Variants in PDGFD observed in about 807,000 individuals in gnomAD.
PDGFD encodes platelet derived growth factor D.
In PDGFD, 30 loss-of-function variants were observed where a neutral mutation model predicts 44.7. That is an observed-to-expected ratio of 0.67 (90% CI 0.50 to 0.91). The LOEUF (loss-of-function observed/expected upper bound fraction) is 0.91, where lower values mean the gene tolerates loss of function less well. Ranked by LOEUF, PDGFD falls within the 40% of genes least tolerant of loss-of-function variation. The pLI, the probability that PDGFD is intolerant of heterozygous loss-of-function variation, is 0.00. For missense variants in PDGFD, 445 were observed against 457.8 expected, an observed-to-expected ratio of 0.97 and a Z score of 0.25; for synonymous variants, 173 against 168.4, an observed-to-expected ratio of 1.03 and a Z score of -0.21.
At position 104,080,604 on chromosome 11, in the gene PDGFD, T is replaced by C. The variant is rs1421761124; in HGVS notation, c.125-80349A>G. ...TATTTTATGCATATACTCTGGCGTA[T>C]GTTGGAGGAGCCACCATCCATTGTG... On this transcript the variant is annotated intron_variant, in intron 1 of 6. Transcript: ENST00000393158. 2.6e-5 allele frequency among the ~76,000 whole-genome samples: 4 copies of C among 152,298 alleles called. No individual in the cohort carries two copies. In the East Asian group the frequency reaches 7.7e-4, roughly 29 times the overall value.
intron 1 of PDGFD, among the ~76,000 whole-genome samples, chr11:104,039,417 AT>A (rs1377252414): frequency 2.6e-5 from 4 of 152,116 alleles, no homozygotes; most frequent in Non-Finnish European, 5.9e-5. Flanking sequence ...ACAGAAAAAA[AT>A]AACTCTCCCT....
intron 5 of PDGFD, among the ~76,000 whole-genome samples, chr11:103,928,422 G>A (rs1858350744): frequency 1.3e-5 from 2 of 152,146 alleles, no homozygotes; most frequent in African/African-American, 4.8e-5. Flanking sequence ...AATGTCTTAG[G>A]CTTAAACTGA....
intron 1 of PDGFD, among the ~76,000 whole-genome samples, chr11:104,115,483 T>C (rs1406951045): frequency 6.6e-6 from 1 of 151,984 alleles, no homozygotes; most frequent in East Asian, 1.9e-4. Context: ...TTGCTAATTG[T>C]GCTGGTATAA....
chr11:103,993,234 G>T lies in PDGFD; in HGVS notation c.510+2831C>A, dbSNP rs375341583. Among the ~76,000 whole-genome samples the T allele has an allele frequency of 1.6e-3, 250 of 151,884 alleles. 3 individuals are homozygous for T. The highest frequency in any genetic ancestry group is 0.014 in the South Asian group (65 of 4,802). ...AGGCATGTGCCATCATGCCTGTTTT[G>T]TTTTGTTTTGTTTTTCACTTTTTGT... On this transcript the variant is annotated intron_variant, in intron 3 of 6. Coordinates refer to ENST00000393158, the MANE Select transcript of PDGFD (RefSeq NM_025208.5).
chr11:104,108,282 A>G (rs1285192433), intron 1 of PDGFD, among the ~76,000 whole-genome samples: 3 of 152,068 alleles, frequency 2.0e-5, no homozygotes, highest in Non-Finnish European at 4.4e-5. Context: ...ACAGAATGGG[A>G]AAACATTTTT....
intron 3 of PDGFD, among the ~76,000 whole-genome samples, chr11:103,951,369 C>CTT (rs1858754141): frequency 1.3e-5 from 2 of 152,176 alleles, no homozygotes; most frequent in Non-Finnish European, 2.9e-5. Flanking sequence ...CCTCCTAAGT[C>CTT]CACTTAGAAA....
intron 3 of PDGFD, among the ~76,000 whole-genome samples, chr11:103,995,559 T>C (rs1565305804): frequency 6.6e-6 from 1 of 152,212 alleles, no homozygotes; most frequent in Non-Finnish European, 1.5e-5. Flanking sequence ...CTTTTGATTT[T>C]GCAGATGCTT....
At chr11:103,934,438 TG>T (rs1197381095) in intron 5 of PDGFD, among the ~76,000 whole-genome samples, 1 of 152,208 alleles carries the variant, frequency 6.6e-6, no homozygotes, top group Non-Finnish European at 1.5e-5. Context: ...AATGATCAGG[TG>T]TCTTCAGTTT....
chr11:103,913,502 G>C (rs767575540), intron 6 of PDGFD, among the ~76,000 whole-genome samples: 37 of 152,212 alleles, frequency 2.4e-4, no homozygotes, highest in Non-Finnish European at 4.1e-4. Flanking sequence ...ATTTAAAGCA[G>C]TGTGTAGAGG....
intron 1 of PDGFD, among the ~76,000 whole-genome samples, chr11:104,092,958 T>C (rs1469577716): frequency 6.6e-6 from 1 of 152,134 alleles, no homozygotes; most frequent in African/African-American, 2.4e-5. Context: ...CCTGTGACAT[T>C]AAACAATAGC....
intron 5 of PDGFD, among the ~76,000 whole-genome samples, chr11:103,931,446 CT>C (rs1858397179): frequency 6.6e-6 from 1 of 152,174 alleles, no homozygotes; most frequent in Admixed American, 6.5e-5. Context: ...TATCAGTTGG[CT>C]TTCACTGTGC....
chr11:104,022,482 C>G (rs1859975819), intron 1 of PDGFD, among the ~76,000 whole-genome samples: 1 of 151,988 alleles, frequency 6.6e-6, no homozygotes, highest in Non-Finnish European at 1.5e-5. Flanking sequence ...ACATATAAAA[C>G]CTGCAGCACA....
intron 1 of PDGFD, among the ~76,000 whole-genome samples, chr11:104,072,634 C>T (rs943970880): frequency 2.0e-5 from 3 of 151,882 alleles, no homozygotes; most frequent in Non-Finnish European, 2.9e-5. Flanking sequence ...AATAGGCAGT[C>T]TTGACTTGTT....
chr11:103,910,077 T>C (rs549883935), intron 6 of PDGFD, among the ~76,000 whole-genome samples: 1 of 131,662 alleles, frequency 7.6e-6, no homozygotes, highest in South Asian at 2.6e-4. Context: ...GATGATTTCA[T>C]GTGTCTTAGC....
At chr11:104,105,524 A>G (rs1861459788) in intron 1 of PDGFD, among the ~76,000 whole-genome samples, 1 of 152,192 alleles carries the variant, frequency 6.6e-6, no homozygotes, top group Non-Finnish European at 1.5e-5. Flanking sequence ...ACATAAGACT[A>G]AAAGAAAAAA....
At chr11:104,103,300 A>C (rs1037245987) in intron 1 of PDGFD, among the ~76,000 whole-genome samples, 1 of 151,962 alleles carries the variant, frequency 6.6e-6, no homozygotes, top group African/African-American at 2.4e-5. Context: ...AAGTATAACC[A>C]AAATCTCTTG....
chr11:104,063,316 G>A (rs1222556068), intron 1 of PDGFD, among the ~76,000 whole-genome samples: 1 of 151,802 alleles, frequency 6.6e-6, no homozygotes, highest in Admixed American at 6.6e-5. Flanking sequence ...ACGTGTGTGT[G>A]TGTGAGAGAG....
chr11:104,076,491 T>G (rs513513), intron 1 of PDGFD, among the ~76,000 whole-genome samples: 72,021 of 151,932 alleles, frequency 0.47, 18,962 homozygotes, highest in African/African-American at 0.72. Flanking sequence ...GAGAATTTTC[T>G]AATTTTGTAA....
chr11:104,093,395 C>T (rs945430697), intron 1 of PDGFD, among the ~76,000 whole-genome samples: 11 of 152,176 alleles, frequency 7.2e-5, no homozygotes, highest in African/African-American at 2.6e-4. Context: ...TCCCCAGCTA[C>T]GTGTTTTCAG....
Sources: allele counts gnomAD v4.1 joint callset (sites outside exome capture counted in the v4.1 genomes callset), GRCh38; gene constraint gnomAD v4.1.1; transcripts MANE v1.5; gene names NCBI Gene and HGNC (gene_info 2026-07-23, HGNC 2026-07-21).